Variants in BTBD8 observed in about 807,000 individuals in gnomAD.
BTBD8 encodes BTB/POZ domain-containing protein 8.
In BTBD8, 110 loss-of-function variants were observed where a neutral mutation model predicts 162.9. The observed-to-expected ratio is 0.68, with a 90% CI of 0.58 to 0.79. BTBD8 has a LOEUF of 0.79. Among genes scored for constraint, BTBD8 ranks in the 30% least tolerant of loss-of-function variants. BTBD8 has a pLI of 0.00. For missense variants in BTBD8, 1,905 were observed against 2,085.4 expected (o/e 0.91, Z 1.68); for synonymous variants, 667 against 716.1 (o/e 0.93, Z 1.10).
At chr1:92,124,079 A>G (rs1649286113) in intron 4 of BTBD8, among the ~76,000 whole-genome samples, 2 of 152,334 alleles carry the variant, frequency 1.3e-5, no homozygotes, top group East Asian at 1.9e-4. Flanking sequence ...GAAGATTGCC[A>G]GAAGCTATAC....
chr1:92,177,773 G>T, intron 14 of BTBD8, 38 bp from the exon 15 acceptor site: 2 of 1,164,980 alleles, frequency 1.7e-6, no homozygotes, highest in Non-Finnish European at 2.5e-6. Context: ...CATATTTAAT[G>T]TATTCTCTCT....
chr1:92,165,889 T>C (rs983669141), intron 9 of BTBD8, among the ~76,000 whole-genome samples: 65 of 152,194 alleles, frequency 4.3e-4, no homozygotes, highest in Admixed American at 1.6e-3. Flanking sequence ...ACTGAGGAGA[T>C]AGATTCCACC....
At chr1:92,110,962 C>T (rs751038049) in intron 4 of BTBD8, among the ~76,000 whole-genome samples, 3 of 150,354 alleles carry the variant, frequency 2.0e-5, no homozygotes, top group Non-Finnish European at 3.0e-5. Flanking sequence ...TTCTCTTATG[C>T]TGCCTCGTTG....
chr1:92,172,758 TTGTCA>T (rs1650586147), intron 13 of BTBD8, among the ~76,000 whole-genome samples: 1 of 151,982 alleles, frequency 6.6e-6, no homozygotes, highest in Non-Finnish European at 1.5e-5. Flanking sequence ...CAACTGAGAG[TTGTCA>T]TGGCTTGAGG....
At chr1:92,155,460 G>C (rs1650139600) in intron 9 of BTBD8, among the ~76,000 whole-genome samples, 1 of 151,958 alleles carries the variant, frequency 6.6e-6, no homozygotes, top group Admixed American at 6.6e-5. Flanking sequence ...TTATTTATGA[G>C]ACAGGGTCTT....
intron 4 of BTBD8, among the ~76,000 whole-genome samples, chr1:92,129,054 A>G (rs1014340777): frequency 2.0e-5 from 3 of 152,064 alleles, no homozygotes; most frequent in African/African-American, 7.2e-5. Flanking sequence ...TTCCAAAATA[A>G]TCCATATTAA....
rs1173574202 is a variant in BTBD8 at position 92,183,958 on chromosome 1, A to G, written c.5007A>G (p.Ile1669Met). ...CTCCAATATATGAGATGGATGTAAT[A>G]GAAGCATTTGAGCAGAAAGTGGAAT... is the stretch of plus-strand genomic sequence containing the variant. ...TLSPIYEMDV[I>M]EAFEQKVESE... Residue 1669 changes from isoleucine (I) to methionine (M), a missense_variant, in exon 18 of 18, where the codon ATA becomes ATG. Ile to Met is a conservative substitution (Grantham distance 10, BLOSUM62 1). This residue lies in a region of BTBD8 where 517 missense variants were observed against 606.6 expected (regional missense o/e 0.85). Transcript: ENST00000636805. The G allele has an allele frequency of 1.6e-5, 25 of 1,551,662 alleles. No homozygotes were observed. The highest frequency in any genetic ancestry group is 3.3e-4 in the Middle Eastern group (2 of 5,972).
intron 1 of BTBD8, 93 bp downstream of exon 1, chr1:92,080,813 C>G: frequency 6.6e-6 from 10 of 1,516,736 alleles, no homozygotes; most frequent in Non-Finnish European, 8.8e-6. Context: ...CCTCCCCCTC[C>G]CTCAGCACTT....
chr1:92,158,633 T>G (rs1650213520), intron 9 of BTBD8, among the ~76,000 whole-genome samples: 1 of 152,230 alleles, frequency 6.6e-6, no homozygotes, highest in South Asian at 2.1e-4. Context: ...TAAAAGTGAT[T>G]AATTCAGTTG....
chr1:92,147,779 A>T lies in BTBD8; in HGVS notation c.1115A>T (p.Gln372Leu). 6.2e-7 allele frequency: 1 copy of T among 1,610,922 alleles called. No individual in the cohort carries two copies. The highest frequency in any genetic ancestry group is 8.5e-7 in the Non-Finnish European group (1 of 1,178,054). The change falls in exon 9 of 18, where the codon CAG becomes CTG. Residue 372 changes from glutamine (Q) to leucine (L), a missense_variant. Around this residue, in one of 3 missense-constraint regions of BTBD8, gnomAD observed 1,374 missense variants for 1,442.7 expected, o/e 0.95. Transcript: ENST00000636805. The part of the protein sequence containing the change: ...IQKSCLNMLI[Q>L]SLNDKNAAFL... ...AAAAGTTGTCTTAATATGTTGATTC[A>T]GTCCTTAGTAAGTATAACCTGAATA... is the stretch of plus-strand genomic sequence containing the variant.
chr1:92,174,660 CAAAA>C (rs1258519995), intron 13 of BTBD8, among the ~76,000 whole-genome samples: 1 of 150,758 alleles, frequency 6.6e-6, no homozygotes, highest in African/African-American at 2.4e-5. Context: ...AGCAAGAAAA[CAAAA>C]AATGAGGACC....
In BTBD8 at chr1:92,178,465, A is replaced by G. The variant is rs1650787398; in HGVS notation, c.2581+14A>G. 3 of 1,534,158 alleles carry G rather than the reference A, an allele frequency of 2.0e-6. No homozygotes were observed. Among genetic ancestry groups the G allele is most frequent in the Non-Finnish European group, 2.6e-6 (3 of 1,138,698 alleles). On this transcript the variant is annotated intron_variant, in intron 16 of 17. Coordinates refer to ENST00000636805, the MANE Select transcript of BTBD8 (RefSeq NM_001376131.1). Reference sequence around the variant, plus strand: ...CTAAAACTCAAGGTAAAGCTGAAATAGTACTGGATATCTTGAAATTATTTC... The same window carrying G: ...CTAAAACTCAAGGTAAAGCTGAAATGGTACTGGATATCTTGAAATTATTTC...
At chr1:92,183,007 T>C (rs897086080) in intron 17 of BTBD8, among the ~76,000 whole-genome samples, 1 of 152,112 alleles carries the variant, frequency 6.6e-6, no homozygotes, top group Non-Finnish European at 1.5e-5. Flanking sequence ...TCTAGTAATA[T>C]GTAACTAAAA....
chr1:92,181,983 T>C lies in BTBD8; in HGVS notation c.4300T>C (p.Phe1434Leu). The change falls in exon 17 of 18, where the codon TTT (phenylalanine) becomes CTT (leucine). Residue 1434 changes from phenylalanine (F) to leucine (L), a missense_variant. Phe to Leu is a conservative substitution (Grantham distance 22). This residue lies in a region of BTBD8 where 517 missense variants were observed against 606.6 expected (regional missense o/e 0.85). Coordinates refer to ENST00000636805, the MANE Select transcript of BTBD8 (RefSeq NM_001376131.1). Reference sequence around the variant, plus strand: ...TCGTGAATTTTCTGCAACTAAAAAGTTTAAAAGGTCAGTTTTACTTTCAGT... The same window carrying C: ...TCGTGAATTTTCTGCAACTAAAAAGCTTAAAAGGTCAGTTTTACTTTCAGT... ...ECREFSATKKFKRSVLLSVDE... is the reference protein window; with the variant it reads ...ECREFSATKKLKRSVLLSVDE... The C allele has an allele frequency of 6.4e-7, 1 of 1,551,578 alleles. No individual in the cohort carries two copies.
intron 5 of BTBD8, among the ~76,000 whole-genome samples, chr1:92,133,767 G>T (rs11166218): frequency 0.63 from 95,077 of 151,582 alleles, 30,316 homozygotes; most frequent in East Asian, 0.97. Flanking sequence ...TCAGGAGATC[G>T]AGACCATCCT....
intron 9 of BTBD8, among the ~76,000 whole-genome samples, chr1:92,155,213 C>T (rs1044528441): frequency 2.6e-5 from 4 of 152,138 alleles, no homozygotes; most frequent in Non-Finnish European, 5.9e-5. Context: ...CTTTTTCCTT[C>T]TTAAGATTAA....
intron 7 of BTBD8, among the ~76,000 whole-genome samples, chr1:92,141,906 C>T (rs1020967053): frequency 2.6e-5 from 4 of 152,090 alleles, no homozygotes; most frequent in African/African-American, 9.7e-5. Context: ...CATCATATTT[C>T]TCTCTTACTG....
intron 9 of BTBD8, among the ~76,000 whole-genome samples, chr1:92,149,605 A>G (rs979510952): frequency 6.6e-5 from 10 of 152,192 alleles, no homozygotes; most frequent in Non-Finnish European, 1.0e-4. Context: ...CAAAAGAGAC[A>G]ATTTTGTGTG....
At chr1:92,140,342 A>G (rs1649749589) in intron 6 of BTBD8, among the ~76,000 whole-genome samples, 1 of 152,088 alleles carries the variant, frequency 6.6e-6, no homozygotes, top group Admixed American at 6.5e-5. Context: ...AATACCATCT[A>G]AGCCTCTGAA....
Sources: allele counts gnomAD v4.1 joint callset (sites outside exome capture counted in the v4.1 genomes callset), GRCh38; gene constraint gnomAD v4.1.1; regional missense constraint gnomAD v4.1.1; transcripts MANE v1.5; gene names NCBI Gene and HGNC (gene_info 2026-07-23, HGNC 2026-07-21).